Variants in NLRP1 observed in about 807,000 individuals in gnomAD.
The protein encoded by NLRP1 is NLR family pyrin domain containing 1.
NLRP1 carries 94 observed loss-of-function variants against 136.7 expected under a neutral mutation model. That is an observed-to-expected ratio of 0.69 (90% CI 0.58 to 0.82). The LOEUF (loss-of-function observed/expected upper bound fraction) is 0.82, where lower values mean the gene tolerates loss of function less well. NLRP1 is among the 40% of genes least tolerant of loss of function. NLRP1 has a pLI of 0.00. For synonymous variants in NLRP1, 690 were observed against 725.1 expected (o/e 0.95, Z 0.78); for missense variants, 1,575 against 1,802.7 (o/e 0.87, Z 2.29).
Position 5,514,150 on chromosome 17 carries a change from ATTTTTTC to A in NLRP1, c.*597_*603del, listed in dbSNP as rs1396288041. The stretch of plus-strand genomic sequence containing the variant: ...GGTAACTTCTTATTCCTTTATTTTC[ATTTTTTC>A]TTTTTTGTATTTTTTTAATTCTTAA... On this transcript the variant is annotated 3_prime_UTR_variant, in exon 17 of 17. Coordinates refer to ENST00000572272, the MANE Select transcript of NLRP1 (RefSeq NM_033004.4). 1 of 152,734 alleles carries A rather than the reference ATTTTTTC, an allele frequency of 6.5e-6. No homozygotes were observed. The highest frequency in any genetic ancestry group is 1.5e-5 in the Non-Finnish European group (1 of 68,716). The allele number at this position is 152,734 out of a possible 1,614,324, so 9.5% of individuals were successfully genotyped here.
At chr17:5,531,080 AGGGG>A (rs1025406004) in intron 11 of NLRP1, among the ~76,000 whole-genome samples, 3 of 152,158 alleles carry the variant, frequency 2.0e-5, no homozygotes, top group Non-Finnish European at 4.4e-5. Flanking sequence ...CGTATATGTA[AGGGG>A]CCTATTTAGC....
chr17:5,553,274 G>C (rs1913602672), intron 5 of NLRP1, 112 bp downstream of exon 5: 2 of 928,052 alleles, frequency 2.2e-6, no homozygotes, highest in Non-Finnish European at 3.1e-6. Context: ...GCCAGAGAAG[G>C]CCTCAACGAA....
At chr17:5,547,777 G>A (rs903057205) in intron 5 of NLRP1, among the ~76,000 whole-genome samples, 4 of 152,136 alleles carry the variant, frequency 2.6e-5, no homozygotes, top group Admixed American at 1.3e-4. Flanking sequence ...GATACAGAAA[G>A]TCACAGCACG....
chr17:5,572,576 G>C (rs1416630005), intron 3 of NLRP1, among the ~76,000 whole-genome samples: 1 of 152,014 alleles, frequency 6.6e-6, no homozygotes, highest in Non-Finnish European at 1.5e-5. Flanking sequence ...TGGGCGTAGT[G>C]GTGCACACCT....
chr17:5,512,531 C>G, downstream of NLRP1: 1 of 594,940 alleles, frequency 1.7e-6, no homozygotes, highest in South Asian at 1.8e-5. Context: ...TGACTGTCCT[C>G]TTGGAGGAAG....
At chr17:5,551,216 C>T (rs1422682060) in intron 5 of NLRP1, among the ~76,000 whole-genome samples, 1 of 152,186 alleles carries the variant, frequency 6.6e-6, no homozygotes, top group East Asian at 1.9e-4. Context: ...GCCCTGGAAA[C>T]CACTAATCTT....
At position 5,539,487 on chromosome 17, in the gene NLRP1, T is replaced by A; in HGVS notation, c.2798A>T (p.Asn933Ile). Residue 933 changes from asparagine to isoleucine, a missense_variant, in exon 7 of 17, where the codon AAC (asparagine) becomes ATC (isoleucine). Transcript: ENST00000572272. The part of the protein sequence containing the change: ...SLKELDLQQN[N>I]LDDVGVRLLC... ...CAGTCGCACGCCAACGTCATCCAGG[T>A]TGTTCTGCTGCAGGTCTAGCTCCTT... is the stretch of plus-strand genomic sequence containing the variant. 1 of 1,614,188 alleles carries A rather than the reference T, an allele frequency of 6.2e-7. No homozygotes were observed. Among genetic ancestry groups the A allele is most frequent in the Non-Finnish European group, 8.5e-7 (1 of 1,180,036 alleles).
At chr17:5,572,688 T>C (rs60181319) in intron 3 of NLRP1, among the ~76,000 whole-genome samples, 1 of 138,102 alleles carries the variant, frequency 7.2e-6, no homozygotes, top group Non-Finnish European at 1.5e-5. Context: ...CCAGCTTGGA[T>C]GACAGTGTGA....
intron 3 of NLRP1, among the ~76,000 whole-genome samples, chr17:5,578,318 C>G (rs1905227298): frequency 6.6e-6 from 1 of 152,178 alleles, no homozygotes; most frequent in Non-Finnish European, 1.5e-5. Context: ...TCAGAGTGAA[C>G]AGGCAACCTA....
At chr17:5,579,616 C>T (rs1905375677) in intron 3 of NLRP1, among the ~76,000 whole-genome samples, 2 of 152,112 alleles carry the variant, frequency 1.3e-5, no homozygotes, top group African/African-American at 2.4e-5. Flanking sequence ...GAGCATTCTA[C>T]CATAAAGATG....
At chr17:5,508,279 C>G (rs1907458300) in intron 15 of NLRP1, among the ~76,000 whole-genome samples, 1 of 152,144 alleles carries the variant, frequency 6.6e-6, no homozygotes, top group African/African-American at 2.4e-5. Context: ...GCCTGGGTGA[C>G]CGAACGAGAC....
chr17:5,530,694 G>A lies in NLRP1; in HGVS notation c.3307C>T (p.Pro1103Ser), dbSNP rs749363631. The change falls in exon 12 of 17, where the codon CCT (proline) becomes TCT (serine). Residue 1103 changes from proline to serine, a missense_variant. Physicochemically the swap from Pro to Ser is moderately conservative, Grantham distance 74. Transcript: ENST00000572272. ...GGCCAGCGGTAGGAGCCAGCTACAG[G>A]GAAGTGAACTCTGGGAAGAAGAGGG... ...KEKNLYRVHF[P>S]VAGSYRWPNT... The A allele has an allele frequency of 2.3e-5, 37 of 1,613,872 alleles. No homozygotes were observed. The highest frequency in any genetic ancestry group is 1.6e-4 in the Middle Eastern group (1 of 6,062).
chr17:5,511,958 G>C, downstream of NLRP1: 2 of 452,122 alleles, frequency 4.4e-6, no homozygotes, highest in South Asian at 4.1e-5. Flanking sequence ...CTGGCTACAA[G>C]GGAGCCCAGC....
At chr17:5,574,960 G>A (rs1333284612) in intron 3 of NLRP1, among the ~76,000 whole-genome samples, 2 of 151,982 alleles carry the variant, frequency 1.3e-5, no homozygotes, top group Non-Finnish European at 2.9e-5. Context: ...CACCACGCCT[G>A]GCAATATTCA....
intron 8 of NLRP1, among the ~76,000 whole-genome samples, chr17:5,535,836 T>C (rs1298858159): frequency 6.6e-6 from 1 of 152,206 alleles, no homozygotes; most frequent in Admixed American, 6.5e-5. Context: ...TGGGAGAATG[T>C]GGGAGCTGCA....
rs765384630 is a variant in NLRP1, at chr17:5,515,208, G to A, written c.4103-135C>T. The A allele has an allele frequency of 1.6e-4, 148 of 904,566 alleles. 1 individual carries two copies. Among genetic ancestry groups the A allele is most frequent in the Non-Finnish European group, 3.9e-5 (23 of 590,810 alleles). 56.0% of individuals were successfully genotyped at this position (904,566 alleles called of 1,614,324 possible). Reference sequence around the variant, plus strand: ...TGCACCTGTGTCCTCCCTCATGGCAGCATCTAGCTTGGCATTCTGCCAGAG... The same window carrying A: ...TGCACCTGTGTCCTCCCTCATGGCAACATCTAGCTTGGCATTCTGCCAGAG... On this transcript the variant is annotated intron_variant, in intron 16 of 16. Transcript: ENST00000572272.
intron 5 of NLRP1, among the ~76,000 whole-genome samples, chr17:5,551,454 G>A (rs936496045): frequency 1.3e-5 from 2 of 152,186 alleles, no homozygotes. Context: ...TTGCTTCCAA[G>A]TTTTGGCAAT....
At position 5,560,607 on chromosome 17, in the gene NLRP1, G is replaced by A. The variant is rs139977903; in HGVS notation, c.653-564C>T. Among the ~76,000 whole-genome samples the A allele has an allele frequency of 4.2e-4, 64 of 152,304 alleles. 1 individual carries two copies. Among genetic ancestry groups the A allele is most frequent in the African/African-American group, 1.4e-3 (59 of 41,558 alleles). On this transcript the variant is annotated intron_variant, in intron 3 of 16. Transcript: ENST00000572272. ...AGAAATACTGGAGGATAGTTCTCCAGTCCAGGAGGTGCCCTTAGTGGATGA... is the reference window on the plus strand; with the variant it reads ...AGAAATACTGGAGGATAGTTCTCCAATCCAGGAGGTGCCCTTAGTGGATGA...
chr17:5,528,253 G>T (rs1019288484), intron 12 of NLRP1, among the ~76,000 whole-genome samples: 1 of 152,206 alleles, frequency 6.6e-6, no homozygotes, highest in Non-Finnish European at 1.5e-5. Context: ...GGCTGGTTGT[G>T]GTAGTGGCTG....
Sources: gnomAD v4.1 joint callset for allele counts (sites outside exome capture counted in the v4.1 genomes callset) on GRCh38, gnomAD v4.1.1 for gene constraint, MANE v1.5 for transcripts, NCBI Gene and HGNC (gene_info 2026-07-23, HGNC 2026-07-21) for gene names.